The following LHPP variants were observed in gnomAD, a reference collection of about 807,000 sequenced individuals.
LHPP encodes hLHPP.
Under a neutral mutation model 30.3 loss-of-function variants are expected in LHPP, and 24 were observed. That is an observed-to-expected ratio of 0.79 (90% CI 0.57 to 1.11). The LOEUF is 1.11. LHPP is among the 50% of genes most tolerant of loss of function. The pLI is 0.00. For synonymous variants in LHPP, 150 were observed against 157.1 expected (o/e 0.95, Z 0.34); for missense variants, 356 against 367.2 (o/e 0.97, Z 0.25).
At chr10:124,502,121 C>T (rs1165517743) in intron 5 of LHPP, among the ~76,000 whole-genome samples, 2 of 151,920 alleles carry the variant, frequency 1.3e-5, no homozygotes, top group African/African-American at 2.4e-5. Flanking sequence ...TCACGTGTAC[C>T]GTTCAGCAGC....
intron 5 of LHPP, among the ~76,000 whole-genome samples, chr10:124,508,027 T>G (rs1445954440): frequency 3.3e-5 from 5 of 151,884 alleles, no homozygotes; most frequent in Non-Finnish European, 7.4e-5. Context: ...CCTGGCCATA[T>G]AAACTCAAAG....
chr10:124,475,815 C>T (rs966280553), intron 1 of LHPP, among the ~76,000 whole-genome samples: 2 of 152,128 alleles, frequency 1.3e-5, no homozygotes, highest in Non-Finnish European at 2.9e-5. Flanking sequence ...AAGAAAGGAG[C>T]CAGGATCCCC....
At position 124,517,532 on chromosome 10, in the gene LHPP, C is replaced by T. The variant is rs11245255; in HGVS notation, c.716+261C>T. Among the ~76,000 whole-genome samples the T allele has an allele frequency of 0.019, 2,818 of 152,210 alleles. 80 individuals are homozygous for T. Among genetic ancestry groups the T allele is most frequent in the East Asian group, 0.13 (695 of 5,160 alleles). On this transcript the variant is annotated intron_variant, in intron 6 of 6. Coordinates refer to ENST00000368842, the MANE Select transcript of LHPP (RefSeq NM_022126.4). This position sits in a 1 kb window ranked among gnomAD's most constrained non-coding sequence, Gnocchi z 4.1. ...CAGTGCAGAGAGAAATAAGCAAAGG[C>T]ACTATCCATCCTGGCGGCGGCCCAC...
chr10:124,481,632 C>T (rs563819778), intron 1 of LHPP, among the ~76,000 whole-genome samples: 3 of 152,072 alleles, frequency 2.0e-5, no homozygotes, highest in Non-Finnish European at 2.9e-5. Context: ...CCACCCACCT[C>T]GACCTCCCAA....
At chr10:124,565,178 C>T (rs901629124) in intron 6 of LHPP, among the ~76,000 whole-genome samples, 22 of 152,160 alleles carry the variant, frequency 1.4e-4, no homozygotes, top group Non-Finnish European at 2.4e-4. Flanking sequence ...CTCCCCACAG[C>T]AACCTGAGCT....
chr10:124,588,695 T>C (rs1948838028), intron 6 of LHPP, among the ~76,000 whole-genome samples: 1 of 152,272 alleles, frequency 6.6e-6, no homozygotes, highest in African/African-American at 2.4e-5. Flanking sequence ...AAAATATCCA[T>C]ATTGATGGAT....
rs1397487267 is a variant in LHPP, at chr10:124,517,126, C to T, written c.625-54C>T. 2.0e-5 allele frequency: 24 copies of T among 1,227,124 alleles called. No homozygotes were observed. Among genetic ancestry groups the T allele is most frequent in the Middle Eastern group, 1.9e-4 (1 of 5,170 alleles). 76.0% of individuals were successfully genotyped at this position (1,227,124 alleles called of 1,614,324 possible). A position where few individuals can be genotyped will look rare whatever the true frequency, so the allele number is the denominator to read the frequency against. ...TATGTCAAAAAAAGATGAAGGAGCC[C>T]GGGAATAAAACTCTCCTGACATCAC... On this transcript the variant is annotated intron_variant, in intron 5 of 6. Coordinates refer to ENST00000368842, the MANE Select transcript of LHPP (RefSeq NM_022126.4). This position sits in a 1 kb window ranked among gnomAD's most constrained non-coding sequence, Gnocchi z 4.1.
chr10:124,606,974 ATCC>A (rs2134017648), intron 6 of LHPP, among the ~76,000 whole-genome samples: 2 of 151,510 alleles, frequency 1.3e-5, no homozygotes, highest in Non-Finnish European at 2.9e-5. Flanking sequence ...TCTCTGCTTC[ATCC>A]TCTTTTTCCG....
intron 6 of LHPP, among the ~76,000 whole-genome samples, chr10:124,587,200 T>G (rs1231805332): frequency 2.0e-5 from 3 of 151,466 alleles, no homozygotes; most frequent in African/African-American, 7.3e-5. Flanking sequence ...CCCGGCTAAT[T>G]ATTTTTGTAT....
intron 6 of LHPP, 21 bp from the exon 7 acceptor site, chr10:124,613,243 A>G: frequency 6.3e-7 from 1 of 1,595,450 alleles, no homozygotes; most frequent in East Asian, 2.2e-5. Flanking sequence ...GCACTGACTA[A>G]CCTCCGGCCA....
At chr10:124,609,201 G>T (rs1460550079) in intron 6 of LHPP, among the ~76,000 whole-genome samples, 1 of 152,236 alleles carries the variant, frequency 6.6e-6, no homozygotes, top group Non-Finnish European at 1.5e-5. Flanking sequence ...GCCGCAGGTA[G>T]GATTTGGCCC....
chr10:124,528,390 G>T (rs1351999540), intron 6 of LHPP, among the ~76,000 whole-genome samples: 2 of 151,426 alleles, frequency 1.3e-5, no homozygotes, highest in Non-Finnish European at 2.9e-5. Flanking sequence ...ACGGAGTCTT[G>T]CTCTGTTGCC....
At chr10:124,467,733 T>TG (rs71026091) in intron 1 of LHPP, among the ~76,000 whole-genome samples, 4 of 150,500 alleles carry the variant, frequency 2.7e-5, no homozygotes, top group African/African-American at 9.8e-5. Context: ...TTGTTGTTGT[T>TG]TTGAGACAGT....
rs1037753596 is a variant in LHPP, at chr10:124,593,385, C to T, written c.717-19879C>T. Among the ~76,000 whole-genome samples the T allele has an allele frequency of 6.6e-6, 1 of 152,226 alleles. No homozygotes were observed. The highest frequency in any genetic ancestry group is 2.4e-5 in the African/African-American group (1 of 41,458). On this transcript the variant is annotated intron_variant, in intron 6 of 6. Transcript: ENST00000368842. This position sits in a 1 kb window ranked among gnomAD's most constrained non-coding sequence, Gnocchi z 4.9. ...GCCTCGGATGAGCATCTGCCCCTCC[C>T]GGGCCTCAGTTTCCACACCTGAGAT...
intron 1 of LHPP, among the ~76,000 whole-genome samples, chr10:124,462,984 C>T (rs1952448591): frequency 6.6e-6 from 1 of 152,218 alleles, no homozygotes; most frequent in South Asian, 2.1e-4. Context: ...TCTCCTGCCT[C>T]AGCCTCCTGA....
intron 6 of LHPP, among the ~76,000 whole-genome samples, chr10:124,570,514 G>A (rs1948567450): frequency 6.6e-6 from 1 of 152,214 alleles, no homozygotes; most frequent in Non-Finnish European, 1.5e-5. Context: ...ACACAATTCA[G>A]TGGTCTTTAG....
chr10:124,498,248 G>T, intron 5 of LHPP, 120 bp downstream of exon 5: 1 of 1,510,194 alleles, frequency 6.6e-7, no homozygotes. Flanking sequence ...CCAAGCGTGG[G>T]CTCCCTGTGA....
At chr10:124,467,246 G>A (rs1283812261) in intron 1 of LHPP, among the ~76,000 whole-genome samples, 1 of 152,068 alleles carries the variant, frequency 6.6e-6, no homozygotes, top group East Asian at 1.9e-4. Context: ...CAATGGAGAT[G>A]GGGAGGAAGG....
chr10:124,497,564 G>C (rs1953763336), intron 4 of LHPP, among the ~76,000 whole-genome samples: 1 of 152,202 alleles, frequency 6.6e-6, no homozygotes. Flanking sequence ...AGCTGCCCCA[G>C]GTCAGCCTCA....
Sources: allele counts gnomAD v4.1 joint callset (sites outside exome capture counted in the v4.1 genomes callset), GRCh38; gene constraint gnomAD v4.1.1; non-coding constraint Gnocchi (gnomAD v3.1); transcripts MANE v1.5; gene names NCBI Gene and HGNC (gene_info 2026-07-23, HGNC 2026-07-21).